EPB41L1: variants seen among roughly 807,000 people sequenced by gnomAD.
The protein encoded by EPB41L1 is erythrocyte membrane protein band 4.1 like 1.
In EPB41L1, 29 loss-of-function variants were observed where a neutral mutation model predicts 97.8. The observed-to-expected ratio is 0.30, with a 90% CI of 0.22 to 0.40. EPB41L1 has a LOEUF of 0.40. Among genes scored for constraint, EPB41L1 ranks in the 10% least tolerant of loss-of-function variants. The pLI is 1.00. For synonymous variants in EPB41L1, 383 were observed against 459.2 expected, an observed-to-expected ratio of 0.83 and a Z score of 2.12; for missense variants, 812 against 1,162.3, an observed-to-expected ratio of 0.70 and a Z score of 4.38.
At chr20:36,096,879 C>G (rs2057848400) in intron 1 of EPB41L1, among the ~76,000 whole-genome samples, 1 of 152,226 alleles carries the variant, frequency 6.6e-6, no homozygotes, top group Non-Finnish European at 1.5e-5. Context: ...AAATGATACC[C>G]AAAGTTTCGT....
chr20:36,215,018 C>A (rs980009602), intron 17 of EPB41L1, among the ~76,000 whole-genome samples: 13 of 150,348 alleles, frequency 8.6e-5, no homozygotes, highest in African/African-American at 3.2e-4. Flanking sequence ...GGCAATAATC[C>A]CCATTCTGCA....
intron 2 of EPB41L1, among the ~76,000 whole-genome samples, chr20:36,139,740 A>ATTTATTTATTTATTTATTTATTTTTTTT (rs943742073): frequency 2.0e-5 from 3 of 151,648 alleles, no homozygotes; most frequent in African/African-American, 7.3e-5. Flanking sequence ...TTATTTATTT[A>ATTTATTTATTTATTTATTTATTTTTTTT]TTTTTTTTAA....
intron 1 of EPB41L1, among the ~76,000 whole-genome samples, chr20:36,102,680 C>A (rs892617373): frequency 4.3e-4 from 66 of 152,176 alleles, no homozygotes; most frequent in African/African-American, 1.5e-3. Context: ...ACTGGGGGGA[C>A]CTCCCACTTT....
chr20:36,115,003 C>CCCCT (rs757838985), intron 2 of EPB41L1, among the ~76,000 whole-genome samples: 35 of 152,184 alleles, frequency 2.3e-4, no homozygotes, highest in Non-Finnish European at 4.3e-4. Flanking sequence ...GGCTGTAACT[C>CCCCT]CCCTCTTCAG....
intron 2 of EPB41L1, among the ~76,000 whole-genome samples, chr20:36,126,153 C>G (rs1209256671): frequency 1.3e-5 from 2 of 152,136 alleles, no homozygotes; most frequent in African/African-American, 2.4e-5. Context: ...GAAAATCTTT[C>G]TAAAATCTCT....
intron 1 of EPB41L1, among the ~76,000 whole-genome samples, chr20:36,107,700 G>A (rs1163445700): frequency 2.7e-5 from 4 of 150,934 alleles, no homozygotes; most frequent in South Asian, 4.2e-4. Context: ...CGTGGTGCAC[G>A]TGCCTGTAAT....
intron 1 of EPB41L1, among the ~76,000 whole-genome samples, chr20:36,156,823 AGG>A (rs1482995092): frequency 1.3e-5 from 2 of 152,142 alleles, no homozygotes; most frequent in Non-Finnish European, 2.9e-5. Context: ...CTGAGCCTCC[AGG>A]GGGCAACAGA....
chr20:36,110,238 G>T (rs2058346285), intron 1 of EPB41L1, among the ~76,000 whole-genome samples: 1 of 152,178 alleles, frequency 6.6e-6, no homozygotes, highest in Non-Finnish European at 1.5e-5. Context: ...ACCATGCCCG[G>T]CCTTGACATT....
At chr20:36,111,597 C>T (rs1037078463) in intron 1 of EPB41L1, among the ~76,000 whole-genome samples, 3 of 152,012 alleles carry the variant, frequency 2.0e-5, no homozygotes, top group African/African-American at 7.3e-5. Flanking sequence ...ACCAGCTTGG[C>T]CAACATGGTA....
chr20:36,213,760 A>G (rs2063276460), intron 16 of EPB41L1, among the ~76,000 whole-genome samples: 2 of 152,216 alleles, frequency 1.3e-5, no homozygotes, highest in Non-Finnish European at 2.9e-5. Flanking sequence ...TTCTTATAAT[A>G]TCACCCAGAA....
In EPB41L1 at chr20:36,207,838, C is replaced by A; in HGVS notation, c.1669-1650C>A. On this transcript the variant is annotated intron_variant, in intron 14 of 21. Coordinates refer to ENST00000338074, the MANE Select transcript of EPB41L1 (RefSeq NM_012156.2). The surrounding 1 kb of genome is among the most constrained non-coding windows in gnomAD (Gnocchi z 4.9). ...CTGCTCCCCGCCCATGGGGGCTGGC[C>A]GCATGCTCTGTAGTTTTTAGAAGCA... 8.0e-7 allele frequency: 1 copy of A among 1,244,220 alleles called. No individual in the cohort carries two copies. Among genetic ancestry groups the A allele is most frequent in the Non-Finnish European group, 1.0e-6 (1 of 965,626 alleles). 77.1% of individuals were successfully genotyped at this position (1,244,220 alleles called of 1,614,324 possible). A position where few individuals can be genotyped will look rare whatever the true frequency, so the allele number is the denominator to read the frequency against.
chr20:36,203,042 G>T (rs368560314), intron 14 of EPB41L1, among the ~76,000 whole-genome samples: 1 of 152,164 alleles, frequency 6.6e-6, no homozygotes, highest in African/African-American at 2.4e-5. Context: ...AGGCACCGAC[G>T]GTCCCCTGGC....
exon 2 of EPB41L1, chr20:36,112,468 G>C (rs2058436654): frequency 6.6e-6 from 1 of 152,402 alleles, no homozygotes; most frequent in Admixed American, 6.5e-5. Context: ...GAGCTGGTGT[G>C]GACAGAGGAG....
chr20:36,218,015 G>A (rs1454469455), intron 17 of EPB41L1, among the ~76,000 whole-genome samples: 1 of 152,208 alleles, frequency 6.6e-6, no homozygotes, highest in Non-Finnish European at 1.5e-5. Flanking sequence ...CCTGGCGCCA[G>A]ATCGGGGGCA....
intron 2 of EPB41L1, among the ~76,000 whole-genome samples, chr20:36,113,459 CAT>C (rs1219506403): frequency 2.9e-5 from 4 of 137,904 alleles, no homozygotes; most frequent in African/African-American, 8.0e-5. Flanking sequence ...TGTGTGTACA[CAT>C]GTGTGTGCAC....
intron 14 of EPB41L1, chr20:36,208,471 C>T (rs1361957826): frequency 2.6e-5 from 8 of 308,342 alleles, no homozygotes; most frequent in South Asian, 1.5e-4. Context: ...GATGCATCGC[C>T]GCCTTAGGTT....
chr20:36,166,048 A>C (rs1247183527), intron 1 of EPB41L1, among the ~76,000 whole-genome samples: 1 of 152,264 alleles, frequency 6.6e-6, no homozygotes, highest in East Asian at 1.9e-4. Context: ...TCAGGTGTTG[A>C]GATAAAATAA....
Position 36,178,033 on chromosome 20 carries a change from T to G in EPB41L1, c.424T>G (p.Phe142Val). ...AGAGAAGGACTACTTCGGCCTGACC[T>G]TCTGTGATGCTGACAGCCAGAAGGT... ...LLEKDYFGLT[F>V]CDADSQKNWL... Residue 142 changes from phenylalanine (F) to valine (V), a missense_variant, in exon 4 of 22, where the codon TTC becomes GTC. By Grantham distance (50) the Phe-to-Val change is conservative. Around this residue, in one of 3 missense-constraint regions of EPB41L1, gnomAD observed 230 missense variants for 445.2 expected, o/e 0.52. Transcript: ENST00000338074. 1 of 1,614,108 alleles carries G rather than the reference T, an allele frequency of 6.2e-7. No individual in the cohort carries two copies. Among genetic ancestry groups the G allele is most frequent in the Non-Finnish European group, 8.5e-7 (1 of 1,179,978 alleles).
chr20:36,216,120 C>T (rs2063427362), intron 17 of EPB41L1, among the ~76,000 whole-genome samples: 1 of 152,206 alleles, frequency 6.6e-6, no homozygotes, highest in Non-Finnish European at 1.5e-5. Context: ...TACTTCTTTC[C>T]TGCCTTCATG....
Sources: allele counts gnomAD v4.1 joint callset (sites outside exome capture counted in the v4.1 genomes callset), GRCh38; gene constraint gnomAD v4.1.1; regional missense constraint gnomAD v4.1.1; non-coding constraint Gnocchi (gnomAD v3.1); transcripts MANE v1.5; gene names NCBI Gene and HGNC (gene_info 2026-07-23, HGNC 2026-07-21).